ADAMTS14: variants seen among roughly 807,000 people sequenced by gnomAD.
ADAMTS14 encodes the protein ADAM metallopeptidase with thrombospondin type 1 motif 14.
A neutral mutation model predicts 128.6 loss-of-function variants in ADAMTS14; 100 were observed. The observed-to-expected ratio is 0.78, with a 90% CI of 0.66 to 0.92. ADAMTS14 has a LOEUF of 0.92. ADAMTS14 is among the 40% of genes least tolerant of loss of function. ADAMTS14 has a pLI of 0.00. For synonymous variants in ADAMTS14, 665 were observed against 653.8 expected (o/e 1.02, Z -0.26); for missense variants, 1,562 against 1,658.6 (o/e 0.94, Z 1.01).
At chr10:70,757,930 C>T (rs772018118) in intron 19 of ADAMTS14, 32 bp from the exon 20 acceptor site, 37 of 1,565,104 alleles carry the variant, frequency 2.4e-5, no homozygotes, top group Admixed American at 5.6e-5. Flanking sequence ...TGACCCCGGC[C>T]GCTATGCCTG....
At position 70,753,889 on chromosome 10, in the gene ADAMTS14, C is replaced by T. The variant is rs774292096; in HGVS notation, c.2819C>T (p.Ser940Phe). The T allele has an allele frequency of 6.3e-7, 1 of 1,591,766 alleles. No homozygotes were observed. Among genetic ancestry groups the T allele is most frequent in the South Asian group, 1.2e-5 (1 of 86,792 alleles). ...GGGATACAGTGCCTGCTGCCCCTCT[C>T]CAATGGAACCCACAAGGTCATGCCG... ...TRGIQCLLPL[S>F]NGTHKVMPAK... Residue 940 changes from serine to phenylalanine, a missense_variant, in exon 19 of 22, where the codon TCC (serine) becomes TTC (phenylalanine). Coordinates refer to ENST00000373207, the MANE Select transcript of ADAMTS14 (RefSeq NM_080722.4).
chr10:70,709,495 GTTTTTTTT>G lies in ADAMTS14; in HGVS notation c.870+733_870+740del, dbSNP rs746940189. 1.7e-4 allele frequency among the ~76,000 whole-genome samples: 17 copies of G among 101,834 alleles called. No individual in the cohort carries two copies. The South Asian group carries it at 2.0e-3, about 12-fold the overall frequency. The allele number at this position is 101,834 out of a possible 152,430, so 66.8% of individuals were successfully genotyped here. ...CCAGATATTTAAGTGAACATTTCCAGTTTTTTTTTTTTTTTTTTTTTTTGAGACGGAGT... is the reference window on the plus strand; with the variant it reads ...CCAGATATTTAAGTGAACATTTCCAGTTTTTTTTTTTTTTTGAGACGGAGT... On this transcript the variant is annotated intron_variant, in intron 4 of 21. Coordinates refer to ENST00000373207, the MANE Select transcript of ADAMTS14 (RefSeq NM_080722.4).
chr10:70,754,713 A>T (rs1184660667), intron 19 of ADAMTS14, among the ~76,000 whole-genome samples: 2 of 152,130 alleles, frequency 1.3e-5, no homozygotes, highest in African/African-American at 4.8e-5. Context: ...GTTTGCATAT[A>T]TTCTAAGAGC....
intron 2 of ADAMTS14, among the ~76,000 whole-genome samples, chr10:70,688,083 C>T (rs1455386031): frequency 8.7e-5 from 4 of 46,140 alleles, no homozygotes; most frequent in African/African-American, 3.3e-4. Flanking sequence ...GGGCAGCTGC[C>T]GGGCGGAGGG....
intron 2 of ADAMTS14, among the ~76,000 whole-genome samples, chr10:70,700,086 G>C (rs953329297): frequency 2.0e-5 from 3 of 152,040 alleles, no homozygotes; most frequent in Non-Finnish European, 4.4e-5. Context: ...AGGCCCTCAC[G>C]GCAACAAAGC....
rs201605109 is a variant in ADAMTS14 at position 70,702,313 on chromosome 10, C to T, written c.524C>T (p.Ala175Val). Reference protein sequence around the residue: ...AVAISNCDGLAGLIRTDSTDF... With the variant: ...AVAISNCDGLVGLIRTDSTDF... ...CGCTGCTTGCCGTCCCTGGTTCAGGCGGGCCTCATCCGCACAGACAGCACC... is the reference window on the plus strand; with the variant it reads ...CGCTGCTTGCCGTCCCTGGTTCAGGTGGGCCTCATCCGCACAGACAGCACC... Residue 175 changes from alanine to valine, a missense_variant and splice_region_variant, in exon 3 of 22, where the codon GCG (alanine) becomes GTG (valine). Physicochemically the swap from Ala to Val is moderately conservative, Grantham distance 64 (BLOSUM62 0). Coordinates refer to ENST00000373207, the MANE Select transcript of ADAMTS14 (RefSeq NM_080722.4). 4.5e-5 allele frequency: 73 copies of T among 1,614,144 alleles called. No homozygotes were observed. The East Asian group carries it at 1.1e-3, about 24-fold the overall frequency.
chr10:70,687,374 G>A (rs1359386256), intron 2 of ADAMTS14, among the ~76,000 whole-genome samples: 5 of 64,714 alleles, frequency 7.7e-5, no homozygotes, highest in African/African-American at 1.0e-4. Flanking sequence ...GCGGCTGGCC[G>A]GGCAGAGGGG....
chr10:70,708,794 T>C lies in ADAMTS14; in HGVS notation c.870+16T>C. ...CATGAATATCGTGAGTGTCCATGTG[T>C]CCTAGGACTTGGGGGGAGTGGGGTG... On this transcript the variant is annotated intron_variant, in intron 4 of 21. Transcript: ENST00000373207. 2 of 904,120 alleles carry C rather than the reference T, an allele frequency of 2.2e-6. No homozygotes were observed. The highest frequency in any genetic ancestry group is 3.3e-6 in the Non-Finnish European group (2 of 611,352). The allele number at this position is 904,120 out of a possible 1,614,324, so 56.0% of individuals were successfully genotyped here.
At position 70,740,934 on chromosome 10, in the gene ADAMTS14, C is replaced by T. The variant is rs1841975711; in HGVS notation, c.1749-53C>T. 3 of 1,587,144 alleles carry T rather than the reference C, an allele frequency of 1.9e-6. No homozygotes were observed. In the Admixed American group the frequency reaches 5.1e-5, roughly 27 times the overall value. On this transcript the variant is annotated intron_variant, in intron 11 of 21. Transcript: ENST00000373207. ...TGGTGGCTGTGTGGGAAACCTGGCC[C>T]TCCCCAGCCTTCCCAGCCAGCAAGG...
chr10:70,716,847 T>C (rs1303161607), intron 4 of ADAMTS14, among the ~76,000 whole-genome samples: 2 of 152,146 alleles, frequency 1.3e-5, no homozygotes, highest in Admixed American at 6.5e-5. Flanking sequence ...TGGGCACTGC[T>C]GTCAGGGGCA....
In ADAMTS14 at chr10:70,672,868, G is replaced by A. The variant is rs1444578096; in HGVS notation, c.66G>A (p.Ala22=). 1 of 1,500,928 alleles carries A rather than the reference G, an allele frequency of 6.7e-7. No homozygotes were observed. Among genetic ancestry groups the A allele is most frequent in the South Asian group, 1.3e-5 (1 of 79,518 alleles). The allele number at this position is 1,500,928 out of a possible 1,614,324, so 93.0% of individuals were successfully genotyped here. A position where few individuals can be genotyped will look rare whatever the true frequency, so the allele number is the denominator to read the frequency against. ...LPLHCALCAA[A]GSRTPELHLS... ...TGCACTGTGCGCTCTGCGCCGCCGC[G>A]GGCAGCCGGACCCCAGGTGCGTGCG... Residue 22 remains alanine, a synonymous_variant, in exon 1 of 22, where the codon GCG becomes GCA. Coordinates refer to ENST00000373207, the MANE Select transcript of ADAMTS14 (RefSeq NM_080722.4).
At chr10:70,709,987 G>C (rs1840794813) in intron 4 of ADAMTS14, among the ~76,000 whole-genome samples, 1 of 152,194 alleles carries the variant, frequency 6.6e-6, no homozygotes, top group Admixed American at 6.5e-5. Flanking sequence ...TGTGGTTCTG[G>C]GAAAGGATGG....
chr10:70,701,932 G>A (rs1442425532), intron 2 of ADAMTS14, among the ~76,000 whole-genome samples: 3 of 152,210 alleles, frequency 2.0e-5, no homozygotes, highest in Non-Finnish European at 4.4e-5. Context: ...TGTGCTTCGG[G>A]CTGGAGTGCA....
Position 70,752,169 on chromosome 10 carries a change from A to G in ADAMTS14, c.2671A>G (p.Lys891Glu), listed in dbSNP as rs1228061975. The part of the protein sequence containing the change: ...HMVQRHLCDH[K>E]KRPKPIRRRC... Reference sequence around the variant, plus strand: ...GGTGCAGCGACACCTGTGTGACCACAAGAAGAGGCCCAAGCCCATCCGCCG... The same window carrying G: ...GGTGCAGCGACACCTGTGTGACCACGAGAAGAGGCCCAAGCCCATCCGCCG... The change falls in exon 18 of 22, where the codon AAG becomes GAG. Residue 891 changes from lysine (K) to glutamate (E), a missense_variant. Coordinates refer to ENST00000373207, the MANE Select transcript of ADAMTS14 (RefSeq NM_080722.4). The G allele has an allele frequency of 6.2e-7, 1 of 1,613,636 alleles. No homozygotes were observed. Among genetic ancestry groups the G allele is most frequent in the Non-Finnish European group, 8.5e-7 (1 of 1,179,950 alleles).
chr10:70,755,123 G>C (rs2791186), intron 19 of ADAMTS14, among the ~76,000 whole-genome samples: 1 of 151,660 alleles, frequency 6.6e-6, no homozygotes, highest in Non-Finnish European at 1.5e-5. Context: ...CTGGGCAACA[G>C]AGCAAGACCT....
At chr10:70,737,955 G>T (rs559574718) in intron 10 of ADAMTS14, among the ~76,000 whole-genome samples, 2 of 152,168 alleles carry the variant, frequency 1.3e-5, no homozygotes, top group Non-Finnish European at 1.5e-5. Flanking sequence ...AAAAGTCATC[G>T]CATTGCATAC....
chr10:70,675,216 C>T (rs1839610492), intron 2 of ADAMTS14, among the ~76,000 whole-genome samples: 1 of 152,172 alleles, frequency 6.6e-6, no homozygotes, highest in Admixed American at 6.5e-5. Flanking sequence ...CTTCCATGGA[C>T]CCAGCTGGAT....
rs544815528 is a variant in ADAMTS14, at chr10:70,705,393, G to T, written c.679+2925G>T. 2.6e-4 allele frequency among the ~76,000 whole-genome samples: 39 copies of T among 152,358 alleles called. No homozygotes were observed. In the South Asian group the frequency reaches 6.4e-3, roughly 25 times the overall value. On this transcript the variant is annotated intron_variant, in intron 3 of 21. Coordinates refer to ENST00000373207, the MANE Select transcript of ADAMTS14 (RefSeq NM_080722.4). ...CCTGCAGCCCGAGCTCGGGCTCTCC[G>T]TGGGGCTGCCCATGCCAGGGCCGCC... is the stretch of plus-strand genomic sequence containing the variant.
At chr10:70,732,878 G>A (rs1841692679) in intron 7 of ADAMTS14, among the ~76,000 whole-genome samples, 1 of 152,202 alleles carries the variant, frequency 6.6e-6, no homozygotes, top group Non-Finnish European at 1.5e-5. Flanking sequence ...TAGGGCTTTG[G>A]GTTTTGTTTA....
Sources: allele counts gnomAD v4.1 joint callset (sites outside exome capture counted in the v4.1 genomes callset), GRCh38; gene constraint gnomAD v4.1.1; transcripts MANE v1.5; gene names NCBI Gene and HGNC (gene_info 2026-07-23, HGNC 2026-07-21).